The following THADA variants were observed in gnomAD, a reference collection of about 807,000 sequenced individuals.
THADA encodes the protein tRNA (32-2'-O)-methyltransferase regulator THADA.
A neutral mutation model predicts 219.8 loss-of-function variants in THADA; 213 were observed. That is an observed-to-expected ratio of 0.97 (90% CI 0.87 to 1.09). The LOEUF is 1.09. Ranked by LOEUF, THADA falls within the 50% of genes least tolerant of loss-of-function variation. The probability of loss-of-function intolerance (pLI) is 0.00; values close to 1 mark genes in which losing one functional copy is unlikely to be tolerated. For missense variants in THADA, 2,956 were observed against 2,311.3 expected (o/e 1.28, Z -5.72); for synonymous variants, 1,018 against 828.9 (o/e 1.23, Z -3.92).
Position 43,581,880 on chromosome 2 carries a change from T to G in THADA, c.582A>C (p.Leu194Phe). ...TCATTGAAACTCTAATGCCTACCAG[T>G]AAGTCATTCATCAACTGTGTTTGAA... Reference protein sequence around the residue: ...HIIQTQLMNDLLVGIRVSMML... With the variant: ...HIIQTQLMNDFLVGIRVSMML... Residue 194 changes from leucine (L) to phenylalanine (F), a missense_variant, in exon 8 of 38, where the codon TTA (leucine) becomes TTC (phenylalanine). Coordinates refer to ENST00000405975, the MANE Select transcript of THADA (RefSeq NM_022065.5). 1 of 1,601,696 alleles carries G rather than the reference T, an allele frequency of 6.2e-7. No homozygotes were observed. The highest frequency in any genetic ancestry group is 8.5e-7 in the Non-Finnish European group (1 of 1,176,156).
intron 16 of THADA, 82 bp downstream of exon 16, chr2:43,560,152 A>G (rs1697877176): frequency 8.1e-7 from 1 of 1,241,278 alleles, no homozygotes; most frequent in Non-Finnish European, 1.1e-6. Flanking sequence ...TGCAAAGCAC[A>G]TGAATAATCC....
intron 31 of THADA, among the ~76,000 whole-genome samples, chr2:43,320,032 T>A (rs1287346540): frequency 1.3e-5 from 2 of 152,206 alleles, no homozygotes; most frequent in African/African-American, 4.8e-5. Context: ...TGCATTGGTG[T>A]AGGGGTCGAT....
At chr2:43,256,214 G>A (rs995559198) in intron 36 of THADA, among the ~76,000 whole-genome samples, 1 of 152,116 alleles carries the variant, frequency 6.6e-6, no homozygotes, top group East Asian at 1.9e-4. Context: ...CTAACAAACA[G>A]AAACCCGCTT....
chr2:43,424,095 G>A (rs1678097322), intron 28 of THADA, among the ~76,000 whole-genome samples: 1 of 151,996 alleles, frequency 6.6e-6, no homozygotes, highest in Non-Finnish European at 1.5e-5. Context: ...CAAGATGTTG[G>A]GATTGACATT....
chr2:43,509,436 C>T (rs996939473), intron 22 of THADA, among the ~76,000 whole-genome samples: 2 of 152,152 alleles, frequency 1.3e-5, no homozygotes, highest in African/African-American at 2.4e-5. Flanking sequence ...GACTGTATAA[C>T]ATTGCCCAAG....
intron 34 of THADA, among the ~76,000 whole-genome samples, chr2:43,288,885 C>T (rs1458472641): frequency 6.6e-6 from 1 of 152,210 alleles, no homozygotes; most frequent in Non-Finnish European, 1.5e-5. Context: ...ATCACCACCA[C>T]GGTCAATTTC....
chr2:43,580,199 T>C (rs1437721816), intron 8 of THADA, among the ~76,000 whole-genome samples: 2 of 151,168 alleles, frequency 1.3e-5, no homozygotes, highest in Non-Finnish European at 2.9e-5. Flanking sequence ...TAATGTTTTT[T>C]TTTGTATTTT....
At chr2:43,457,392 G>A (rs759697298) in intron 26 of THADA, among the ~76,000 whole-genome samples, 4 of 152,082 alleles carry the variant, frequency 2.6e-5, no homozygotes, top group Non-Finnish European at 5.9e-5. Context: ...AAAGGAAACC[G>A]TATTTCTCAT....
At chr2:43,430,519 A>G in intron 26 of THADA, 1 of 532,430 alleles carries the variant, frequency 1.9e-6, no homozygotes, top group Non-Finnish European at 3.4e-6. Flanking sequence ...TTATCTCAAA[A>G]TTTAAGATTA....
chr2:43,439,230 G>A (rs1471710263), intron 26 of THADA, among the ~76,000 whole-genome samples: 4 of 152,160 alleles, frequency 2.6e-5, no homozygotes, highest in Non-Finnish European at 4.4e-5. Context: ...TTTAAACTGA[G>A]TGCCATTAGA....
chr2:43,592,112 G>T, intron 2 of THADA, 66 bp from the exon 3 acceptor site: 2 of 1,312,966 alleles, frequency 1.5e-6, no homozygotes, highest in Non-Finnish European at 2.1e-6. Context: ...CCTTTGTTGT[G>T]CATTCTACAA....
intron 26 of THADA, among the ~76,000 whole-genome samples, chr2:43,449,052 A>G (rs1042216274): frequency 1.7e-4 from 26 of 152,310 alleles, no homozygotes; most frequent in African/African-American, 5.8e-4. Flanking sequence ...GAAGCTGTTC[A>G]AAAAACTAAA....
At chr2:43,386,626 G>A (rs1672718397) in intron 29 of THADA, among the ~76,000 whole-genome samples, 1 of 152,118 alleles carries the variant, frequency 6.6e-6, no homozygotes, top group South Asian at 2.1e-4. Context: ...GGGCACAGTG[G>A]CTCACGCCTG....
chr2:43,456,793 T>A (rs528575027), intron 26 of THADA, among the ~76,000 whole-genome samples: 2 of 152,150 alleles, frequency 1.3e-5, no homozygotes, highest in African/African-American at 4.8e-5. Context: ...ATGAAAGGAA[T>A]AGAGAGGAAA....
chr2:43,287,083 A>G (rs1164871894), intron 34 of THADA, 22 bp from the exon 35 acceptor site: 1 of 1,598,862 alleles, frequency 6.3e-7, no homozygotes. Context: ...AAATGTACCT[A>G]TCAGTAGTTC....
intron 29 of THADA, among the ~76,000 whole-genome samples, chr2:43,381,721 G>T (rs1382384350): frequency 6.6e-6 from 1 of 152,018 alleles, no homozygotes; most frequent in Non-Finnish European, 1.5e-5. Flanking sequence ...TGAGATTACA[G>T]GTGTGTGCCA....
In THADA at chr2:43,279,969, C is replaced by T. The variant is rs950337222; in HGVS notation, c.5165-73G>A. ...GCAGGTGCAAATACTGCTTCAAATC[C>T]CTGGTGGAAGAGAGGAGCATTGAAT... is the stretch of plus-strand genomic sequence containing the variant. On this transcript the variant is annotated intron_variant, in intron 35 of 37. Transcript: ENST00000405975. The T allele has an allele frequency of 6.6e-6, 9 of 1,367,770 alleles. No homozygotes were observed. The African/African-American group carries it at 1.2e-4, about 18-fold the overall frequency. 84.7% of individuals were successfully genotyped at this position (1,367,770 alleles called of 1,614,324 possible).
chr2:43,577,249 A>G lies in THADA; in HGVS notation c.817-7T>C. The G allele has an allele frequency of 6.4e-7, 1 of 1,572,270 alleles. No individual in the cohort carries two copies. On this transcript the variant is annotated splice_polypyrimidine_tract_variant and splice_region_variant and intron_variant, in intron 9 of 37. Transcript: ENST00000405975. ...GAAGCAGCACACTGCTAATCTGGAAAAATATAGCAGAGCTAACACACATAA... is the reference window on the plus strand; with the variant it reads ...GAAGCAGCACACTGCTAATCTGGAAGAATATAGCAGAGCTAACACACATAA...
At chr2:43,486,093 A>G (rs1230273117) in intron 25 of THADA, among the ~76,000 whole-genome samples, 2 of 152,144 alleles carry the variant, frequency 1.3e-5, no homozygotes, top group East Asian at 3.8e-4. Flanking sequence ...TTAAAAAAAC[A>G]AAAAGAAAAT....
Sources: allele counts gnomAD v4.1 joint callset (sites outside exome capture counted in the v4.1 genomes callset), GRCh38; gene constraint gnomAD v4.1.1; transcripts MANE v1.5; gene names NCBI Gene and HGNC (gene_info 2026-07-23, HGNC 2026-07-21).